Variants in LILRB3 observed in about 807,000 individuals in gnomAD.
LILRB3 encodes the protein leukocyte immunoglobulin like receptor B3, also known as leukocyte immunoglobulin-like receptor subfamily B member 3.
LILRB3 carries 32 observed loss-of-function variants against 68.2 expected under a neutral mutation model. That is an observed-to-expected ratio of 0.47 (90% CI 0.35 to 0.63). LILRB3 has a LOEUF of 0.63. LILRB3 is among the 30% of genes least tolerant of loss of function. LILRB3 has a pLI of 0.00. For missense variants in LILRB3, 502 were observed against 791.3 expected (o/e 0.63, Z 4.39); for synonymous variants, 185 against 323.1 (o/e 0.57, Z 4.58).
At position 54,220,046 on chromosome 19, in the gene LILRB3, G is replaced by C. The variant is rs1192711763; in HGVS notation, c.1309+109C>G. 4.0e-6 allele frequency: 5 copies of C among 1,243,774 alleles called. No homozygotes were observed. In the African/African-American group the frequency reaches 7.4e-5, roughly 18 times the overall value. 77.0% of individuals were successfully genotyped at this position (1,243,774 alleles called of 1,614,324 possible). A position where few individuals can be genotyped will look rare whatever the true frequency, so the allele number is the denominator to read the frequency against. On this transcript the variant is annotated intron_variant, in intron 7 of 12. Coordinates refer to ENST00000445347, the Ensembl canonical transcript of LILRB3. ...CCCGCCCCTCACCAGCCCAGCCTCA[G>C]AGCCCCTGGGACACAAGCCCGTCCT...
chr19:54,219,756 C>G lies in LILRB3; in HGVS notation c.1309+399G>C, dbSNP rs542344076. On this transcript the variant is annotated intron_variant, in intron 7 of 12. Transcript: ENST00000445347. ...ACACTTGGAGAAACTGAGGCCCAGGCAGGGGAGGGGCCTGTCCACATCACC... is the reference window on the plus strand; with the variant it reads ...ACACTTGGAGAAACTGAGGCCCAGGGAGGGGAGGGGCCTGTCCACATCACC... 3.6e-5 allele frequency: 53 copies of G among 1,475,074 alleles called. No homozygotes were observed. In the South Asian group the frequency reaches 6.8e-4, roughly 19 times the overall value. 91.4% of individuals were successfully genotyped at this position (1,475,074 alleles called of 1,614,324 possible).
Position 54,217,386 on chromosome 19 carries a change from G to T in LILRB3, c.1682C>A (p.Ser561Ter), listed in dbSNP as rs1481550113. 1.3e-6 allele frequency: 2 copies of T among 1,595,080 alleles called. No individual in the cohort carries two copies. Among genetic ancestry groups the T allele is most frequent in the Admixed American group, 3.4e-5 (2 of 59,500 alleles). ...TGTGTCCAGGAATTCCCCAGACAGT[G>T]AGGAGGGAGGAGAGGCCATTTCTCT... Residue 561 changes from serine (S) to a stop codon, truncating the protein, a stop_gained, in exon 12 of 13, where the codon TCA (serine) becomes TAA (stop). Transcript: ENST00000445347. LOFTEE classifies it high-confidence loss of function.
rs2078104833 is a variant in LILRB3, at chr19:54,220,947, C to T, written c.956-117G>A. 3 of 1,077,414 alleles carry T rather than the reference C, an allele frequency of 2.8e-6. 1 individual carries two copies. The highest frequency in any genetic ancestry group is 7.4e-5 in the Admixed American group (2 of 26,966). 66.7% of individuals were successfully genotyped at this position (1,077,414 alleles called of 1,614,324 possible). The stretch of plus-strand genomic sequence containing the variant: ...TCCCTGTTTTCTCTGAGTCTCCCCT[C>T]CCCCCATCCCCTGTCTCTGTCTGTC... On this transcript the variant is annotated intron_variant, in intron 5 of 12. Transcript: ENST00000445347.
At position 54,221,065 on chromosome 19, in the gene LILRB3, A is replaced by G; in HGVS notation, c.955+18T>C. ...GTGCAGAGCCTGGGTCCCTGACTGA[A>G]CCCGCTGGGCTCCTCACCTGTGATC... On this transcript the variant is annotated intron_variant, in intron 5 of 12. Transcript: ENST00000445347. 4 of 1,370,270 alleles carry G rather than the reference A, an allele frequency of 2.9e-6. No individual in the cohort carries two copies. Among genetic ancestry groups the G allele is most frequent in the Non-Finnish European group, 2.9e-6 (3 of 1,033,088 alleles). The allele number at this position is 1,370,270 out of a possible 1,614,324, so 84.9% of individuals were successfully genotyped here.
chr19:54,222,958 C>A (rs760780902), exon 1 of LILRB3: 2 of 1,612,650 alleles, frequency 1.2e-6, no homozygotes, highest in South Asian at 2.2e-5. Context: ...CAGAGCAGGG[C>A]TGTGAGGGCG....
At chr19:54,219,704 T>G (rs1394400352) in intron 7 of LILRB3, 1 of 983,898 alleles carries the variant, frequency 1.0e-6, no homozygotes, top group Non-Finnish European at 1.2e-6. Flanking sequence ...TGAAAGGAAC[T>G]TTCCCACCCA....
intron 1 of LILRB3, 65 bp from the exon 2 acceptor site, chr19:54,222,847 C>T (rs1188914882): frequency 1.2e-6 from 2 of 1,612,486 alleles, no homozygotes; most frequent in Non-Finnish European, 1.7e-6. Context: ...CCGGGTGCCT[C>T]CTGAGCTTTT....
chr19:54,217,140 C>G (rs761515451), exon 13 of LILRB3: 1 of 1,597,110 alleles, frequency 6.3e-7, no homozygotes, highest in East Asian at 2.2e-5. Flanking sequence ...GCTGGAGGTT[C>G]CCCTTCCTGG....
In LILRB3 at chr19:54,219,564, C is replaced by T. The variant is rs1442998284; in HGVS notation, c.1310-319G>A. 6.5e-6 allele frequency: 10 copies of T among 1,549,496 alleles called. 1 individual carries two copies. Among genetic ancestry groups the T allele is most frequent in the Non-Finnish European group, 8.7e-6 (10 of 1,146,412 alleles). The stretch of plus-strand genomic sequence containing the variant: ...AGCCTGACCGTCCTGAACCACGGCC[C>T]TGCTCCCCTCCCCTGCCCCAGGTCA... On this transcript the variant is annotated intron_variant, in intron 7 of 12. Coordinates refer to ENST00000445347, the Ensembl canonical transcript of LILRB3.
exon 13 of LILRB3, chr19:54,216,599 C>T (rs1283806179): frequency 1.5e-5 from 15 of 1,006,628 alleles, no homozygotes; most frequent in African/African-American, 1.7e-5. Context: ...CGTGAGCCAC[C>T]GCGCCCGGCC....
rs560501297 is a variant in LILRB3 at position 54,219,309 on chromosome 19, C to T, written c.1310-64G>A. The T allele has an allele frequency of 3.0e-5, 45 of 1,507,470 alleles. No individual in the cohort carries two copies. The Middle Eastern group carries it at 5.2e-4, about 17-fold the overall frequency. 93.4% of individuals were successfully genotyped at this position (1,507,470 alleles called of 1,614,324 possible). ...GATGTGAGCACCTACTGTGTGCAGG[C>T]GCGAGCCAGGTCTTTCCTTCGTGAC... On this transcript the variant is annotated intron_variant, in intron 7 of 12. Transcript: ENST00000445347.
intron 7 of LILRB3, chr19:54,219,859 CCTCA>C (rs1194056310): frequency 6.5e-6 from 10 of 1,549,014 alleles, no homozygotes; most frequent in Non-Finnish European, 7.9e-6. Context: ...ACTCAGAGCC[CCTCA>C]CTCACCATTC....
chr19:54,217,145 T>C lies in LILRB3; in HGVS notation c.1844A>G (p.Glu615Gly), dbSNP rs750171345. The change falls in exon 13 of 13, where the codon GAA becomes GGA. Residue 615 changes from glutamate (E) to glycine (G), a missense_variant. Physicochemically the swap from Glu to Gly is moderately conservative, Grantham distance 98. This residue lies in a region of LILRB3 where 267 missense variants were observed against 245.5 expected (regional missense o/e 1.09). Coordinates refer to ENST00000445347, the Ensembl canonical transcript of LILRB3. ...GCTGGGCTCAGCTGGAGGTTCCCCT[T>C]CCTGGGATGGAGGAGGCTCAGTTGC... 3 of 1,614,062 alleles carry C rather than the reference T, an allele frequency of 1.9e-6. No individual in the cohort carries two copies. The South Asian group carries it at 3.3e-5, about 18-fold the overall frequency.
intron 7 of LILRB3, chr19:54,219,541 C>T (rs981714609): frequency 1.9e-6 from 3 of 1,550,382 alleles, no homozygotes; most frequent in Non-Finnish European, 2.6e-6. Context: ...AGGGAAAGAG[C>T]CTGACCGTCC....
exon 9 of LILRB3, chr19:54,218,770 G>A: frequency 6.2e-7 from 1 of 1,614,118 alleles, no homozygotes; most frequent in Non-Finnish European, 8.5e-7. Flanking sequence ...TACCTCCTCA[G>A]CAGGCCCCTG....
intron 8 of LILRB3, 86 bp from the exon 9 acceptor site, chr19:54,218,924 A>G (rs1046190727): frequency 1.8e-5 from 28 of 1,593,198 alleles, no homozygotes; most frequent in Non-Finnish European, 2.4e-5. Flanking sequence ...AAGGAAAACT[A>G]AAAATATTCC....
In LILRB3 at chr19:54,220,690, G is replaced by A. The variant is rs751294272; in HGVS notation, c.1096C>T (p.Leu366=). Residue 366 remains leucine (L), a synonymous_variant, in exon 6 of 13, where the codon CTG becomes TTG. Coordinates refer to ENST00000445347, the Ensembl canonical transcript of LILRB3. ...GCTCCGTACATTGATCTCAGACGCA[G>A]TGGGGGATGGGCTGCCCCTTCTTTG... is the stretch of plus-strand genomic sequence containing the variant. The A allele has an allele frequency of 2.1e-5, 33 of 1,540,832 alleles. 3 individuals carry two copies. Among genetic ancestry groups the A allele is most frequent in the African/African-American group, 2.0e-4 (13 of 66,038 alleles).
At chr19:54,219,484 T>C (rs1435765744) in intron 7 of LILRB3, 1 of 1,549,790 alleles carries the variant, frequency 6.5e-7, no homozygotes, top group Non-Finnish European at 8.7e-7. Context: ...CCCGGGAGTC[T>C]GACCTGCAGC....
intron 10 of LILRB3, 110 bp downstream of exon 10, chr19:54,218,535 G>C: frequency 2.5e-6 from 4 of 1,603,416 alleles, no homozygotes; most frequent in Admixed American, 1.7e-5. Context: ...TGTGGGGCAA[G>C]ACCATCTTCC....
Sources: gnomAD v4.1 joint callset for allele counts on GRCh38, gnomAD v4.1.1 for gene constraint, gnomAD v4.1.1 regional missense constraint, MANE v1.5 for transcripts, NCBI Gene and HGNC (gene_info 2026-07-23, HGNC 2026-07-21) for gene names.